Variants in KAT14 observed in about 807,000 individuals in gnomAD.
KAT14 encodes cysteine-rich protein 2-binding protein.
In KAT14, 66 loss-of-function variants were observed where a neutral mutation model predicts 78.4. The ratio of observed to expected loss-of-function variants is 0.84; its 90% CI spans 0.69 to 1.03. The LOEUF (loss-of-function observed/expected upper bound fraction) is 1.03. Ranked by LOEUF, KAT14 falls within the 50% of genes least tolerant of loss-of-function variation. KAT14 has a pLI of 0.00. For missense variants in KAT14, 870 were observed against 972.5 expected, an observed-to-expected ratio of 0.89 and a Z score of 1.40; for synonymous variants, 344 against 359.4, an observed-to-expected ratio of 0.96 and a Z score of 0.48.
rs2038436468 is a variant in KAT14, at chr20:18,161,873, C to T, written c.733C>T (p.Arg245Ter). 4 of 1,614,088 alleles carry T rather than the reference C, an allele frequency of 2.5e-6. No homozygotes were observed. The highest frequency in any genetic ancestry group is 2.5e-6 in the Non-Finnish European group (3 of 1,180,032). ...CATTACTGTTGAGGGACTTAGAAAA[C>T]GAGCAAGTCGGAATCCTGTGGAATC... ...PIITVEGLRK[R>*]ASRNPVESAM... Residue 245 changes from arginine (R) to a stop codon, truncating the protein, a stop_gained, in exon 6 of 11, where the codon CGA becomes TGA. Transcript: ENST00000688188. LOFTEE classifies it high-confidence loss of function.
rs767050498 is a variant in KAT14 at position 18,142,936 on chromosome 20, T to C, written c.259+17T>C. Reference sequence around the variant, plus strand: ...TACCAGCCAGTAAGGAGCTTCTCAATTCCTTTGATTTGTCAATTCCTGTGT... The same window carrying C: ...TACCAGCCAGTAAGGAGCTTCTCAACTCCTTTGATTTGTCAATTCCTGTGT... On this transcript the variant is annotated intron_variant, in intron 2 of 10. Coordinates refer to ENST00000688188, the MANE Select transcript of KAT14 (RefSeq NM_001392073.1). 6.8e-6 allele frequency: 11 copies of C among 1,608,830 alleles called. No homozygotes were observed. The highest frequency in any genetic ancestry group is 2.7e-5 in the African/African-American group (2 of 74,850).
At chr20:18,152,109 G>C (rs1451562536) in intron 4 of KAT14, among the ~76,000 whole-genome samples, 1 of 152,080 alleles carries the variant, frequency 6.6e-6, no homozygotes, top group African/African-American at 2.4e-5. Flanking sequence ...CTGTTCAAGA[G>C]TTGGATAAGT....
chr20:18,187,525 G>C lies in KAT14; in HGVS notation c.*66G>C, dbSNP rs2146555571. The C allele has an allele frequency of 1.3e-6, 2 of 1,595,152 alleles. No homozygotes were observed. The highest frequency in any genetic ancestry group is 2.3e-5 in the South Asian group (2 of 86,996). On this transcript the variant is annotated 3_prime_UTR_variant, in exon 11 of 11. Coordinates refer to ENST00000688188, the MANE Select transcript of KAT14 (RefSeq NM_001392073.1). ...AACAGGTCTTTGTGGAGATCTAAAGGCAGTGATTGATTTCACAGGGAGCTC... is the reference window on the plus strand; with the variant it reads ...AACAGGTCTTTGTGGAGATCTAAAGCCAGTGATTGATTTCACAGGGAGCTC...
chr20:18,155,379 C>G (rs938273786), intron 4 of KAT14, among the ~76,000 whole-genome samples: 1 of 152,090 alleles, frequency 6.6e-6, no homozygotes, highest in Non-Finnish European at 1.5e-5. Context: ...TCCCCCTTCT[C>G]CAGCCACTAG....
rs2039253130 is a variant in KAT14 at position 18,181,575 on chromosome 20, TAGCC to T, written c.1669-132_1669-129del. The T allele has an allele frequency of 3.7e-6, 5 of 1,345,288 alleles. No individual in the cohort carries two copies. In the Admixed American group the frequency reaches 9.4e-5, roughly 25 times the overall value. 83.3% of individuals were successfully genotyped at this position (1,345,288 alleles called of 1,614,324 possible). ...TAGTAGAGACAGGGTTTTACCGTGT[TAGCC>T]AGGATGATCTCGATCTTGTGACCTT... On this transcript the variant is annotated intron_variant, in intron 7 of 10. Transcript: ENST00000688188.
chr20:18,179,150 C>T (rs1256138693), intron 7 of KAT14, among the ~76,000 whole-genome samples: 1 of 152,214 alleles, frequency 6.6e-6, no homozygotes, highest in Non-Finnish European at 1.5e-5. Flanking sequence ...CAGCTCCACC[C>T]CTGTGGCTTT....
chr20:18,137,896 T>TGCG lies in KAT14; in HGVS notation c.-603_-601dup. The TGCG allele has an allele frequency of 7.0e-7, 1 of 1,433,748 alleles. No homozygotes were observed. The highest frequency in any genetic ancestry group is 9.1e-7 in the Non-Finnish European group (1 of 1,097,720). The allele number at this position is 1,433,748 out of a possible 1,614,324, so 88.8% of individuals were successfully genotyped here. Reference sequence around the variant, plus strand: ...GCAGTACAGGCGGCGGTGCGCACTCTGCGGCGGCCTCTGCGCCTCGGGCGG... The same window carrying TGCG: ...GCAGTACAGGCGGCGGTGCGCACTCTGCGGCGGCGGCCTCTGCGCCTCGGGCGG... On this transcript the variant is annotated 5_prime_UTR_variant, in exon 1 of 11. Coordinates refer to ENST00000688188, the MANE Select transcript of KAT14 (RefSeq NM_001392073.1).
chr20:18,148,874 T>C (rs2037932047), intron 3 of KAT14, among the ~76,000 whole-genome samples: 1 of 151,856 alleles, frequency 6.6e-6, no homozygotes, highest in Admixed American at 6.6e-5. Flanking sequence ...CCTCCCAAAG[T>C]GCTGGGATTA....
At chr20:18,164,492 CTG>C (rs2038562751) in intron 7 of KAT14, among the ~76,000 whole-genome samples, 1 of 152,136 alleles carries the variant, frequency 6.6e-6, no homozygotes, top group African/African-American at 2.4e-5. Flanking sequence ...TTCCCTGAGG[CTG>C]TGTTTTGTAA....
In KAT14 at chr20:18,162,371, G is replaced by A; in HGVS notation, c.1100-6G>A. 6.2e-7 allele frequency: 1 copy of A among 1,610,374 alleles called. No homozygotes were observed. The highest frequency in any genetic ancestry group is 8.5e-7 in the Non-Finnish European group (1 of 1,178,386). On this transcript the variant is annotated splice_region_variant and splice_polypyrimidine_tract_variant and intron_variant, in intron 6 of 10. Transcript: ENST00000688188. ...TCTTGATGACACTGTTTTGTACTCT[G>A]CACAGATGACGATGAGATGGAAGGC...
intron 1 of KAT14, among the ~76,000 whole-genome samples, chr20:18,141,051 T>TTTTTTTTTTTTTTTTTTTTTTG (rs58888387): frequency 7.3e-5 from 8 of 109,712 alleles, no homozygotes; most frequent in East Asian, 3.3e-4. Flanking sequence ...TTTTTTATTT[T>TTTTTTTTTTTTTTTTTTTTTTG]TATTTTTGCT....
At chr20:18,143,040 C>A in intron 2 of KAT14, 121 bp downstream of exon 2, 1 of 1,446,778 alleles carries the variant, frequency 6.9e-7, no homozygotes, top group South Asian at 1.5e-5. Flanking sequence ...TATTTATTCT[C>A]TAGTTGATCA....
At position 18,188,033 on chromosome 20, in the gene KAT14, C is replaced by A. The variant is rs955438521; in HGVS notation, c.*574C>A. ...GAAAAAATAAACTAGATGTTTGTGT[C>A]TACATGTTCTACCTGTTGTACCTAT... On this transcript the variant is annotated 3_prime_UTR_variant, in exon 11 of 11. Transcript: ENST00000688188. 1 of 155,338 alleles carries A rather than the reference C, an allele frequency of 6.4e-6. No homozygotes were observed. The highest frequency in any genetic ancestry group is 1.4e-5 in the Non-Finnish European group (1 of 70,166). The allele number at this position is 155,338 out of a possible 1,614,324, so 9.6% of individuals were successfully genotyped here. A position where few individuals can be genotyped will look rare whatever the true frequency, so the allele number is the denominator to read the frequency against.
intron 7 of KAT14, among the ~76,000 whole-genome samples, chr20:18,180,361 G>A (rs1205166750): frequency 6.6e-6 from 1 of 152,164 alleles, no homozygotes. Flanking sequence ...GACCACCTCA[G>A]CCTGGACCTT....
At chr20:18,146,961 A>ACGAGACAGCTAAGGCCTCTGCCC (rs1408431079) in intron 3 of KAT14, among the ~76,000 whole-genome samples, 4 of 152,198 alleles carry the variant, frequency 2.6e-5, no homozygotes, top group African/African-American at 9.7e-5. Context: ...ACTGTGGTGA[A>ACGAGACAGCTAAGGCCTCTGCCC]CGAGACAGCT....
chr20:18,138,863 TAAGG>T (rs1403864884), intron 1 of KAT14, among the ~76,000 whole-genome samples: 1 of 152,170 alleles, frequency 6.6e-6, no homozygotes, highest in Non-Finnish European at 1.5e-5. Context: ...AATACAAAGA[TAAGG>T]AAACTCCACT....
At chr20:18,145,193 C>T (rs556512333) in intron 2 of KAT14, 40 bp from the exon 3 acceptor site, 3 of 1,606,894 alleles carry the variant, frequency 1.9e-6, no homozygotes, top group East Asian at 2.2e-5. Context: ...TACCGCTGCT[C>T]TAGATAAACC....
intron 4 of KAT14, among the ~76,000 whole-genome samples, chr20:18,152,358 C>G (rs144622128): frequency 9.2e-5 from 14 of 152,292 alleles, no homozygotes; most frequent in Non-Finnish European, 7.3e-5. Context: ...GAGCAGATCA[C>G]CTGAGGTCTG....
intron 7 of KAT14, among the ~76,000 whole-genome samples, chr20:18,165,505 AC>A (rs1333869296): frequency 6.6e-6 from 1 of 152,164 alleles, no homozygotes; most frequent in Non-Finnish European, 1.5e-5. Context: ...CCTAGTGCGT[AC>A]CCCAGAGAGC....
Sources: gnomAD v4.1 joint callset for allele counts (sites outside exome capture counted in the v4.1 genomes callset) on GRCh38, gnomAD v4.1.1 for gene constraint, MANE v1.5 for transcripts, NCBI Gene and HGNC (gene_info 2026-07-23, HGNC 2026-07-21) for gene names.